The following EHF variants were observed in gnomAD, a reference collection of about 807,000 sequenced individuals.
EHF encodes ETS homologous factor.
A neutral mutation model predicts 45.1 loss-of-function variants in EHF; 14 were observed. The observed-to-expected ratio is 0.31, with a 90% CI of 0.21 to 0.49. EHF has a LOEUF of 0.49. EHF is among the 20% of genes least tolerant of loss of function. The pLI is 0.99. For synonymous variants in EHF, 136 were observed against 131.8 expected (o/e 1.03, Z -0.22); for missense variants, 282 against 371.4 (o/e 0.76, Z 1.98).
intron 1 of EHF, chr11:34,632,769 T>C: frequency 8.0e-7 from 1 of 1,245,004 alleles, no homozygotes; most frequent in South Asian, 1.3e-5. Context: ...GCCACTATTA[T>C]TTTGGAAGCC....
In EHF at chr11:34,652,415, C is replaced by T. The variant is rs117899128; in HGVS notation, c.544+610C>T. 1.4e-3 allele frequency among the ~76,000 whole-genome samples: 217 copies of T among 152,318 alleles called. 2 individuals carry two copies. Among genetic ancestry groups the T allele is most frequent in the South Asian group, 6.2e-3 (30 of 4,826 alleles). The stretch of plus-strand genomic sequence containing the variant: ...TGGTTAAGCTTGGATGCAACTGGGG[C>T]TATCCATGCTCCTTAACCAAGGTTA... On this transcript the variant is annotated intron_variant, in intron 6 of 8. Coordinates refer to ENST00000257831, the MANE Select transcript of EHF (RefSeq NM_012153.6).
chr11:34,646,646 A>C lies in EHF; in HGVS notation c.305A>C (p.Gln102Pro), dbSNP rs1329818905. 5.0e-6 allele frequency: 8 copies of C among 1,613,052 alleles called. No individual in the cohort carries two copies. The highest frequency in any genetic ancestry group is 6.8e-6 in the Non-Finnish European group (8 of 1,179,984). ...EFTRAAGTAGQLLYSNLQHLK... is the reference protein window; with the variant it reads ...EFTRAAGTAGPLLYSNLQHLK... Reference sequence around the variant, plus strand: ...ACCCGGGCGGCAGGGACGGCGGGGCAGCTCCTCTACAGCAACTTGCAGCAT... The same window carrying C: ...ACCCGGGCGGCAGGGACGGCGGGGCCGCTCCTCTACAGCAACTTGCAGCAT... Residue 102 changes from glutamine to proline, a missense_variant, in exon 3 of 9, where the codon CAG becomes CCG. Gln to Pro is a moderately conservative substitution (Grantham distance 76). Coordinates refer to ENST00000257831, the MANE Select transcript of EHF (RefSeq NM_012153.6).
rs1021468691 is a variant in EHF, at chr11:34,660,277, T to C, written c.*1346T>C. 2 of 152,254 alleles carry C rather than the reference T, an allele frequency of 1.3e-5. No homozygotes were observed. Among genetic ancestry groups the C allele is most frequent in the African/African-American group, 4.8e-5 (2 of 41,558 alleles). 9.4% of individuals were successfully genotyped at this position (152,254 alleles called of 1,614,324 possible). On this transcript the variant is annotated 3_prime_UTR_variant, in exon 9 of 9. Transcript: ENST00000257831. ...GAATTACAAAGCAGAATTAAAATTA[T>C]ATTGTAGAAGGAAACACCAAGAAAA...
chr11:34,659,094 T>TA lies in EHF; in HGVS notation c.*170dup, dbSNP rs750762323. ...GGGAAGAAGAAACACTACGGTCGAT[T>TA]AAAAAAATTATTTTGTTACTTCGAA... On this transcript the variant is annotated 3_prime_UTR_variant, in exon 9 of 9. Coordinates refer to ENST00000257831, the MANE Select transcript of EHF (RefSeq NM_012153.6). 4 of 562,516 alleles carry TA rather than the reference T, an allele frequency of 7.1e-6. No individual in the cohort carries two copies. The highest frequency in any genetic ancestry group is 2.7e-5 in the South Asian group (1 of 36,818). The allele number at this position is 562,516 out of a possible 1,614,324, so 34.8% of individuals were successfully genotyped here. A position where few individuals can be genotyped will look rare whatever the true frequency, so the allele number is the denominator to read the frequency against.
chr11:34,622,412 T>C, intron 1 of EHF: 2 of 1,285,810 alleles, frequency 1.6e-6, no homozygotes, highest in East Asian at 5.7e-5. Flanking sequence ...TCTGCAGCCA[T>C]GGAGGTAAAG....
At chr11:34,626,935 CATTGGG>C (rs767450296) in intron 1 of EHF, among the ~76,000 whole-genome samples, 33 of 152,172 alleles carry the variant, frequency 2.2e-4, no homozygotes, top group Non-Finnish European at 3.8e-4. Flanking sequence ...ACATCTACTG[CATTGGG>C]CTGTTGTAAA....
chr11:34,640,502 G>A (rs2134087454), intron 1 of EHF, among the ~76,000 whole-genome samples: 1 of 152,282 alleles, frequency 6.6e-6, no homozygotes, highest in East Asian at 1.9e-4. Flanking sequence ...TGCTAGCAAG[G>A]AACAAGCCCA....
chr11:34,637,310 G>A (rs286908), intron 1 of EHF, among the ~76,000 whole-genome samples: 69,221 of 151,962 alleles, frequency 0.46, 18,607 homozygotes, highest in East Asian at 0.84. Context: ...CAAGCCCTTG[G>A]CGAAGCAAGC....
At chr11:34,649,103 G>C in intron 4 of EHF, 22 bp downstream of exon 4, 3 of 1,612,984 alleles carry the variant, frequency 1.9e-6, no homozygotes, top group Non-Finnish European at 2.5e-6. Context: ...TGGACAAAGG[G>C]AGCCAACCTA....
chr11:34,631,673 C>T (rs940439286), intron 1 of EHF: 11 of 661,444 alleles, frequency 1.7e-5, no homozygotes, highest in African/African-American at 2.0e-5. Context: ...AACTGTGGTC[C>T]GGGAACCAGG....
chr11:34,621,780 A>G (rs1324291000), intron 1 of EHF, among the ~76,000 whole-genome samples: 1 of 152,268 alleles, frequency 6.6e-6, no homozygotes, highest in Non-Finnish European at 1.5e-5. Context: ...AAAAGTGGCC[A>G]GGCAGCCAAG....
chr11:34,637,319 G>GC (rs1853532386), intron 1 of EHF, among the ~76,000 whole-genome samples: 1 of 152,198 alleles, frequency 6.6e-6, no homozygotes, highest in Non-Finnish European at 1.5e-5. Flanking sequence ...GGCGAAGCAA[G>GC]CCTGGAGAAG....
chr11:34,624,267 C>G, intron 1 of EHF: 1 of 985,360 alleles, frequency 1.0e-6, no homozygotes, highest in Non-Finnish European at 1.2e-6. Flanking sequence ...ACATTCTCAC[C>G]CTGCCTTTGT....
intron 6 of EHF, among the ~76,000 whole-genome samples, chr11:34,653,548 C>T (rs1401429024): frequency 6.6e-6 from 1 of 152,136 alleles, no homozygotes; most frequent in African/African-American, 2.4e-5. Flanking sequence ...TGCTGCAGCT[C>T]CCCATTTCTA....
At position 34,661,673 on chromosome 11, in the gene EHF, G is replaced by A. The variant is rs374856443; in HGVS notation, c.*2742G>A. Among the ~76,000 whole-genome samples the A allele has an allele frequency of 1.3e-5, 2 of 152,106 alleles. No homozygotes were observed. Among genetic ancestry groups the A allele is most frequent in the African/African-American group, 2.4e-5 (1 of 41,428 alleles). On this transcript the variant is annotated 3_prime_UTR_variant, in exon 9 of 9. Transcript: ENST00000257831. ...AGTAATCGAGCTATGCCAACTTGGGGTGGTAACAGAGTACTTCCCACCACA... is the reference window on the plus strand; with the variant it reads ...AGTAATCGAGCTATGCCAACTTGGGATGGTAACAGAGTACTTCCCACCACA...
chr11:34,633,125 C>T (rs910502189), intron 1 of EHF, among the ~76,000 whole-genome samples: 19 of 152,100 alleles, frequency 1.2e-4, no homozygotes, highest in African/African-American at 3.6e-4. Flanking sequence ...CCTCTGCAAG[C>T]GCTATATTCT....
At chr11:34,648,406 G>GAGTT (rs1854797002) in intron 3 of EHF, among the ~76,000 whole-genome samples, 2 of 151,778 alleles carry the variant, frequency 1.3e-5, no homozygotes, top group African/African-American at 2.4e-5. Flanking sequence ...AATGGGAGAG[G>GAGTT]AGTTGCAAGC....
rs1590502343 is a variant in EHF, at chr11:34,646,811, C to T, written c.343+127C>T. On this transcript the variant is annotated intron_variant, in intron 3 of 8. Transcript: ENST00000257831. ...TGGTCTCACCTCCAAATTACCATGTCCCAAGACAGAGAAATGGAAGGAAGA... is the reference window on the plus strand; with the variant it reads ...TGGTCTCACCTCCAAATTACCATGTTCCAAGACAGAGAAATGGAAGGAAGA... 1.6e-5 allele frequency: 20 copies of T among 1,230,596 alleles called. No individual in the cohort carries two copies. The East Asian group carries it at 4.6e-4, about 29-fold the overall frequency. 76.2% of individuals were successfully genotyped at this position (1,230,596 alleles called of 1,614,324 possible). A position where few individuals can be genotyped will look rare whatever the true frequency, so the allele number is the denominator to read the frequency against.
At chr11:34,639,747 T>C (rs1004980660) in intron 1 of EHF, among the ~76,000 whole-genome samples, 1 of 152,204 alleles carries the variant, frequency 6.6e-6, no homozygotes. Context: ...ATGTGCCCTG[T>C]AAAAAAGGGC....
Sources: gnomAD v4.1 joint callset for allele counts (sites outside exome capture counted in the v4.1 genomes callset) on GRCh38, gnomAD v4.1.1 for gene constraint, MANE v1.5 for transcripts, NCBI Gene and HGNC (gene_info 2026-07-23, HGNC 2026-07-21) for gene names.